The following ZNF10 variants were observed in gnomAD, a reference collection of about 807,000 sequenced individuals.
ZNF10 encodes zinc finger protein 10 (KOX 1).
In ZNF10, 8 loss-of-function variants were observed where a neutral mutation model predicts 12.2. The observed-to-expected ratio is 0.66, with a 90% confidence interval of 0.39 to 1.18. The LOEUF is 1.18. Among genes scored for constraint, ZNF10 ranks in the 50% most tolerant of loss-of-function variants. The probability of loss-of-function intolerance (pLI) is 0.01; values close to 1 mark genes in which losing one functional copy is unlikely to be tolerated. For missense variants in ZNF10, 603 were observed against 678.9 expected, an observed-to-expected ratio of 0.89 and a Z score of 1.24; for synonymous variants, 229 against 228.2, an observed-to-expected ratio of 1.00 and a Z score of -0.03.
chr12:133,147,373 G>A (rs1165847836), intron 2 of ZNF10, among the ~76,000 whole-genome samples: 14 of 152,174 alleles, frequency 9.2e-5, no homozygotes, highest in Admixed American at 8.5e-4. Flanking sequence ...TCACAGTAAT[G>A]TGTGGGAGTG....
intron 2 of ZNF10, among the ~76,000 whole-genome samples, chr12:133,147,342 G>A (rs1391589067): frequency 1.3e-5 from 2 of 152,208 alleles, no homozygotes; most frequent in Non-Finnish European, 2.9e-5. Flanking sequence ...TTTCCAAAGT[G>A]GTTGTAGCAT....
At chr12:133,150,922 A>G in intron 2 of ZNF10, 106 bp from the exon 3 acceptor site, 1 of 1,403,430 alleles carries the variant, frequency 7.1e-7, no homozygotes, top group South Asian at 1.5e-5. Flanking sequence ...CATCCACTTT[A>G]CCTGCCCCAG....
intron 1 of ZNF10, among the ~76,000 whole-genome samples, chr12:133,136,216 C>G (rs150224236): frequency 1.3e-5 from 2 of 152,138 alleles, no homozygotes; most frequent in Non-Finnish European, 2.9e-5. Context: ...AGTTCCAACT[C>G]CCTTGTCTAT....
intron 2 of ZNF10, among the ~76,000 whole-genome samples, chr12:133,148,745 A>G (rs1435875914): frequency 7.5e-6 from 1 of 132,790 alleles, no homozygotes; most frequent in African/African-American, 2.7e-5. Flanking sequence ...GTTGTATTCA[A>G]TGTTGGTTTT....
intron 2 of ZNF10, among the ~76,000 whole-genome samples, chr12:133,149,653 G>A (rs866494894): frequency 1.2e-4 from 18 of 150,688 alleles, no homozygotes; most frequent in African/African-American, 3.6e-4. Context: ...CACTGCACCC[G>A]GTTGCTTTTT....
intron 1 of ZNF10, among the ~76,000 whole-genome samples, chr12:133,139,906 T>A (rs915920550): frequency 2.6e-5 from 4 of 151,428 alleles, no homozygotes; most frequent in East Asian, 1.9e-4. Context: ...GCAAAAAAAA[T>A]TTTTTTAATT....
intron 2 of ZNF10, among the ~76,000 whole-genome samples, chr12:133,149,285 G>T (rs1477114206): frequency 2.0e-5 from 3 of 150,758 alleles, no homozygotes; most frequent in Non-Finnish European, 4.4e-5. Flanking sequence ...GTAGACACAG[G>T]ATCTCCCTAT....
intron 3 of ZNF10, 96 bp downstream of exon 3, chr12:133,151,250 G>A (rs1359561324): frequency 7.0e-5 from 87 of 1,238,270 alleles, no homozygotes; most frequent in Admixed American, 1.8e-4. Flanking sequence ...TAGGCTTGGC[G>A]TTCAGAGACC....
At position 133,155,995 on chromosome 12, in the gene ZNF10, G is replaced by C. The variant is rs777367757; in HGVS notation, c.749G>C (p.Gly250Ala). 2.5e-6 allele frequency: 4 copies of C among 1,613,918 alleles called. No individual in the cohort carries two copies. The South Asian group carries it at 4.4e-5, about 18-fold the overall frequency. Residue 250 changes from glycine (G) to alanine (A), a missense_variant, in exon 5 of 5, where the codon GGT (glycine) becomes GCT (alanine). Physicochemically the swap from Gly to Ala is moderately conservative, Grantham distance 60 (BLOSUM62 0). Transcript: ENST00000248211. ...GATAATGACAACTCTCTTACTCATG[G>C]TTCATCTCTTGGTATATCAAAGGGC... ...CPDNDNSLTHGSSLGISKGIH... is the reference protein window; with the variant it reads ...CPDNDNSLTHASSLGISKGIH...
chr12:133,153,962 C>G (rs756326192), intron 4 of ZNF10, among the ~76,000 whole-genome samples: 2 of 152,138 alleles, frequency 1.3e-5, no homozygotes, highest in Non-Finnish European at 2.9e-5. Flanking sequence ...GTGTCTGTGT[C>G]TTTTTTATGG....
rs1243887699 is a variant in ZNF10 at position 133,159,379 on chromosome 12, G to A, written c.*2411G>A. On this transcript the variant is annotated 3_prime_UTR_variant, in exon 5 of 5. Coordinates refer to ENST00000248211, the MANE Select transcript of ZNF10 (RefSeq NM_015394.5). ...TTTGGTAAAGGAAAAATGCTGTCAT[G>A]TGTTACAAAAGCATGATAAATAATT... is the stretch of plus-strand genomic sequence containing the variant. 1.3e-5 allele frequency: 2 copies of A among 152,210 alleles called. No homozygotes were observed. The highest frequency in any genetic ancestry group is 4.8e-5 in the African/African-American group (2 of 41,456). 9.4% of individuals were successfully genotyped at this position (152,210 alleles called of 1,614,324 possible). A position where few individuals can be genotyped will look rare whatever the true frequency, so the allele number is the denominator to read the frequency against.
intron 2 of ZNF10, 57 bp downstream of exon 2, chr12:133,144,582 T>C: frequency 6.5e-7 from 1 of 1,533,096 alleles, no homozygotes; most frequent in Admixed American, 1.8e-5. Context: ...CTTTAGTTCC[T>C]TTGCCAAAGA....
At chr12:133,153,306 A>T (rs1373726975) in intron 4 of ZNF10, among the ~76,000 whole-genome samples, 4 of 152,182 alleles carry the variant, frequency 2.6e-5, no homozygotes, top group African/African-American at 4.8e-5. Flanking sequence ...TCAGATGATT[A>T]GTTGATTGAT....
intron 2 of ZNF10, 28 bp downstream of exon 2, chr12:133,144,553 A>T: frequency 6.2e-7 from 1 of 1,610,758 alleles, no homozygotes; most frequent in Non-Finnish European, 8.5e-7. Context: ...CCCAGTTTCC[A>T]ACTGGGAATT....
chr12:133,155,302 T>G (rs1035749848), intron 4 of ZNF10, among the ~76,000 whole-genome samples: 7 of 152,162 alleles, frequency 4.6e-5, no homozygotes, highest in African/African-American at 1.7e-4. Context: ...TCCTTACTCC[T>G]TTTGCCCTTT....
In ZNF10 at chr12:133,151,765, C is replaced by T. The variant is rs370879398; in HGVS notation, c.161-44C>T. ...ATGTTTCTTCGTGCCTACCTCAGAGCTCCCCTGACTCTTACCCTGTTCTTT... is the reference window on the plus strand; with the variant it reads ...ATGTTTCTTCGTGCCTACCTCAGAGTTCCCCTGACTCTTACCCTGTTCTTT... On this transcript the variant is annotated intron_variant, in intron 3 of 4. Coordinates refer to ENST00000248211, the MANE Select transcript of ZNF10 (RefSeq NM_015394.5). The T allele has an allele frequency of 3.3e-6, 5 of 1,526,460 alleles. No individual in the cohort carries two copies. The African/African-American group carries it at 5.5e-5, about 17-fold the overall frequency. The allele number at this position is 1,526,460 out of a possible 1,614,324, so 94.6% of individuals were successfully genotyped here.
At chr12:133,144,673 G>C (rs1955965490) in intron 2 of ZNF10, 148 bp downstream of exon 2, 2 of 722,618 alleles carry the variant, frequency 2.8e-6, no homozygotes, top group African/African-American at 1.8e-5. Context: ...GAAGAAGACA[G>C]ATCACTGTGG....
chr12:133,140,616 C>T (rs1955939984), intron 1 of ZNF10, among the ~76,000 whole-genome samples: 1 of 151,856 alleles, frequency 6.6e-6, no homozygotes, highest in Non-Finnish European at 1.5e-5. Context: ...GAGGTTAATT[C>T]TATTCTCTCG....
rs1422833961 is a variant in ZNF10 at position 133,156,650 on chromosome 12, A to G, written c.1404A>G (p.Lys468=). The part of the protein sequence containing the change: ...EKPYECHDCG[K]SFSQSSALIV... ...CATATGAGTGTCATGATTGTGGAAA[A>G]TCTTTCAGCCAGAGTTCTGCCCTTA... The change falls in exon 5 of 5, where the codon AAA becomes AAG. Residue 468 remains lysine (K), a synonymous_variant. Coordinates refer to ENST00000248211, the MANE Select transcript of ZNF10 (RefSeq NM_015394.5). 5.6e-6 allele frequency: 9 copies of G among 1,614,002 alleles called. No homozygotes were observed. The highest frequency in any genetic ancestry group is 7.6e-6 in the Non-Finnish European group (9 of 1,180,018).
Sources: gnomAD v4.1 joint callset for allele counts (sites outside exome capture counted in the v4.1 genomes callset) on GRCh38, gnomAD v4.1.1 for gene constraint, MANE v1.5 for transcripts, NCBI Gene and HGNC (gene_info 2026-07-23, HGNC 2026-07-21) for gene names.